Variants in CLNK observed in about 807,000 individuals in gnomAD.
The protein encoded by CLNK is cytokine dependent hematopoietic cell linker.
In CLNK, 74 loss-of-function variants were observed where a neutral mutation model predicts 68.6. The observed-to-expected ratio is 1.08, with a 90% CI of 0.89 to 1.31. The LOEUF (loss-of-function observed/expected upper bound fraction) is 1.31, where lower values mean the gene tolerates loss of function less well. CLNK is among the 50% of genes most tolerant of loss of function. The pLI, the probability that CLNK is intolerant of heterozygous loss-of-function variation, is 0.00. For synonymous variants in CLNK, 198 were observed against 172.2 expected (o/e 1.15, Z -1.17); for missense variants, 553 against 515.3 (o/e 1.07, Z -0.71).
chr4:10,566,215 G>A lies in CLNK; in HGVS notation c.151-65C>T, dbSNP rs1720107698. The stretch of plus-strand genomic sequence containing the variant: ...ACAATGTTGACAAAGACAGGCTACA[G>A]TGCTGGCTAGAGAAATGGGGTAGAC... On this transcript the variant is annotated intron_variant, in intron 5 of 18. Transcript: ENST00000226951. 2.6e-6 allele frequency: 4 copies of A among 1,524,694 alleles called. No individual in the cohort carries two copies. The Admixed American group carries it at 7.3e-5, about 28-fold the overall frequency. 94.4% of individuals were successfully genotyped at this position (1,524,694 alleles called of 1,614,324 possible).
At chr4:10,500,256 G>T (rs1454072819) in intron 18 of CLNK, among the ~76,000 whole-genome samples, 1 of 152,150 alleles carries the variant, frequency 6.6e-6, no homozygotes, top group Non-Finnish European at 1.5e-5. Flanking sequence ...AGAGTTGCAA[G>T]AGAAGCCTCT....
intron 4 of CLNK, among the ~76,000 whole-genome samples, chr4:10,579,754 C>T (rs1464093297): frequency 6.6e-6 from 1 of 152,212 alleles, no homozygotes; most frequent in African/African-American, 2.4e-5. Context: ...TCTTCTTGCC[C>T]TTGTCCCCAC....
At chr4:10,504,079 C>G (rs1160575152) in intron 17 of CLNK, among the ~76,000 whole-genome samples, 1 of 147,864 alleles carries the variant, frequency 6.8e-6, no homozygotes, top group Non-Finnish European at 1.5e-5. Context: ...TCGCGCCCGG[C>G]TCATTTGCAG....
intron 2 of CLNK, among the ~76,000 whole-genome samples, chr4:10,598,860 T>C (rs1233627461): frequency 2.6e-5 from 4 of 152,210 alleles, no homozygotes; most frequent in Non-Finnish European, 5.9e-5. Context: ...TCAGCTACCC[T>C]CTTTGTCCTC....
At chr4:10,655,337 AG>A (rs1723932361) in intron 2 of CLNK, among the ~76,000 whole-genome samples, 1 of 44,446 alleles carries the variant, frequency 2.2e-5, no homozygotes, top group East Asian at 7.6e-4. Flanking sequence ...CCAAAGACAG[AG>A]AGAGAGAGAG....
Position 10,558,465 on chromosome 4 carries a change from A to G in CLNK, c.400-13T>C. ...TGGGTTTGTCCACCTGTACAAGACAATGAGGCACCATTATCTCTTCAGTTG... is the reference window on the plus strand; with the variant it reads ...TGGGTTTGTCCACCTGTACAAGACAGTGAGGCACCATTATCTCTTCAGTTG... On this transcript the variant is annotated splice_polypyrimidine_tract_variant and intron_variant, in intron 7 of 18. Transcript: ENST00000226951. 3.1e-6 allele frequency: 5 copies of G among 1,612,430 alleles called. No individual in the cohort carries two copies. The highest frequency in any genetic ancestry group is 3.4e-6 in the Non-Finnish European group (4 of 1,178,632).
At chr4:10,702,078 A>G in the CLNK span, among the ~76,000 whole-genome samples, 2 of 152,330 alleles carry the variant, frequency 1.3e-5, no homozygotes, top group Non-Finnish European at 2.9e-5. Context: ...CCTTGCATGT[A>G]AAGACGTCCC....
At chr4:10,710,946 C>T in the CLNK span, among the ~76,000 whole-genome samples, 2 of 152,094 alleles carry the variant, frequency 1.3e-5, no homozygotes, top group African/African-American at 4.8e-5. Context: ...ACTTTGGAAC[C>T]CAAAGCTGTA....
At chr4:10,508,092 T>A in intron 16 of CLNK, 56 bp from the exon 17 acceptor site, 1 of 1,356,750 alleles carries the variant, frequency 7.4e-7, no homozygotes, top group Non-Finnish European at 1.0e-6. Flanking sequence ...TATGAATTAT[T>A]GATTAATTAA....
In CLNK at chr4:10,490,118, T is replaced by A; in HGVS notation, c.*349A>T. ...TGACTGCAAACATTTAAGCAACAGCTTCTGGTGCCCTTTGCTGCTCGCCTG... is the reference window on the plus strand; with the variant it reads ...TGACTGCAAACATTTAAGCAACAGCATCTGGTGCCCTTTGCTGCTCGCCTG... On this transcript the variant is annotated 3_prime_UTR_variant, in exon 19 of 19. Transcript: ENST00000226951. 1 of 201,466 alleles carries A rather than the reference T, an allele frequency of 5.0e-6. No homozygotes were observed. The highest frequency in any genetic ancestry group is 1.0e-5 in the Non-Finnish European group (1 of 100,192). The allele number at this position is 201,466 out of a possible 1,614,324, so 12.5% of individuals were successfully genotyped here. A position where few individuals can be genotyped will look rare whatever the true frequency, so the allele number is the denominator to read the frequency against.
At chr4:10,519,367 A>T (rs939458223) in intron 15 of CLNK, among the ~76,000 whole-genome samples, 1 of 152,054 alleles carries the variant, frequency 6.6e-6, no homozygotes, top group Non-Finnish European at 1.5e-5. Context: ...CTAAGCTATG[A>T]TTCTGCTTCC....
At chr4:10,590,708 T>G (rs1455593782) in intron 3 of CLNK, among the ~76,000 whole-genome samples, 3 of 152,230 alleles carry the variant, frequency 2.0e-5, no homozygotes, top group Non-Finnish European at 4.4e-5. Context: ...TTTGTACTTC[T>G]AAGAGTTACT....
At chr4:10,714,525 C>T in the CLNK span, among the ~76,000 whole-genome samples, 1 of 152,110 alleles carries the variant, frequency 6.6e-6, no homozygotes, top group East Asian at 1.9e-4. Flanking sequence ...ATATAGTGTT[C>T]AAATGGCTAA....
chr4:10,654,805 C>G (rs1181267382), intron 2 of CLNK, among the ~76,000 whole-genome samples: 1 of 151,782 alleles, frequency 6.6e-6, no homozygotes, highest in Non-Finnish European at 1.5e-5. Context: ...AGTAAAATGT[C>G]TAAAAATGAT....
rs538200450 is a variant in CLNK, at chr4:10,518,921, C to G, written c.772+1870G>C. Among the ~76,000 whole-genome samples, 78 of 152,248 alleles carry G rather than the reference C, an allele frequency of 5.1e-4. 2 individuals carry two copies. The highest frequency in any genetic ancestry group is 3.4e-3 in the Middle Eastern group (1 of 294). On this transcript the variant is annotated intron_variant, in intron 15 of 18. Transcript: ENST00000226951. ...TTAACATCACCAAGTACTGGTGATCCAGGCATGAATTCATACCCAGTAGAA... is the reference window on the plus strand; with the variant it reads ...TTAACATCACCAAGTACTGGTGATCGAGGCATGAATTCATACCCAGTAGAA...
At chr4:10,529,361 G>T (rs1254665992) in intron 12 of CLNK, among the ~76,000 whole-genome samples, 1 of 152,148 alleles carries the variant, frequency 6.6e-6, no homozygotes, top group Non-Finnish European at 1.5e-5. Flanking sequence ...GTCCCAAAGG[G>T]TCATGCCATT....
chr4:10,663,401 T>C (rs1383376549), intron 2 of CLNK, among the ~76,000 whole-genome samples: 1 of 152,204 alleles, frequency 6.6e-6, no homozygotes, highest in East Asian at 1.9e-4. Flanking sequence ...AATACGGAAA[T>C]AATTCTCTTT....
intron 1 of CLNK, among the ~76,000 whole-genome samples, chr4:10,679,114 T>A (rs994489859): frequency 2.6e-5 from 4 of 152,132 alleles, no homozygotes; most frequent in Non-Finnish European, 5.9e-5. Flanking sequence ...GACTTCAAAC[T>A]ATACTACAAG....
At chr4:10,716,110 T>A in the CLNK span, among the ~76,000 whole-genome samples, 1 of 152,234 alleles carries the variant, frequency 6.6e-6, no homozygotes, top group Admixed American at 6.5e-5. Context: ...GTTTCAGCAA[T>A]ATTAAATCAA....
Sources: allele counts gnomAD v4.1 joint callset (sites outside exome capture counted in the v4.1 genomes callset), GRCh38; gene constraint gnomAD v4.1.1; transcripts MANE v1.5; gene names NCBI Gene and HGNC (gene_info 2026-07-23, HGNC 2026-07-21).